Variants in CTNND2 observed in about 807,000 individuals in gnomAD.
CTNND2 encodes catenin delta 2.
Under a neutral mutation model 144.4 loss-of-function variants are expected in CTNND2, and 22 were observed. The observed-to-expected ratio is 0.15, with a 90% CI of 0.11 to 0.22. The LOEUF is 0.22. Among genes scored for constraint, CTNND2 ranks in the 10% least tolerant of loss-of-function variants. The pLI is 1.00. For synonymous variants in CTNND2, 751 were observed against 695.6 expected (o/e 1.08, Z -1.25); for missense variants, 1,353 against 1,618.8 (o/e 0.84, Z 2.82).
chr5:11,710,224 C>G (rs1785947078), intron 2 of CTNND2, among the ~76,000 whole-genome samples: 1 of 152,116 alleles, frequency 6.6e-6, no homozygotes, highest in Admixed American at 6.6e-5. Flanking sequence ...GTCTCCATCT[C>G]CTAAATCAGG....
intron 9 of CTNND2, among the ~76,000 whole-genome samples, chr5:11,295,804 C>T (rs1404858245): frequency 2.0e-5 from 3 of 152,106 alleles, no homozygotes. Context: ...AACTGGATCC[C>T]TTCCTTACAC....
intron 21 of CTNND2, among the ~76,000 whole-genome samples, 185 bp downstream of exon 21, chr5:10,981,586 AAC>A (rs112742699): frequency 2.4e-4 from 36 of 150,088 alleles, no homozygotes; most frequent in South Asian, 4.2e-4. Flanking sequence ...TGCCGAGTCC[AAC>A]ACACACACAC....
At chr5:11,380,019 C>G (rs10036384) in intron 7 of CTNND2, among the ~76,000 whole-genome samples, 1 of 152,170 alleles carries the variant, frequency 6.6e-6, no homozygotes, top group African/African-American at 2.4e-5. Context: ...CTGGCTACCG[C>G]TTCTTTCTAG....
intron 2 of CTNND2, among the ~76,000 whole-genome samples, chr5:11,682,141 T>G (rs1296224799): frequency 6.6e-6 from 1 of 152,212 alleles, no homozygotes; most frequent in Non-Finnish European, 1.5e-5. Flanking sequence ...TATCTCTGGT[T>G]TCTACAAAGA....
intron 2 of CTNND2, among the ~76,000 whole-genome samples, chr5:11,606,797 A>G (rs1470530258): frequency 1.3e-5 from 2 of 152,240 alleles, no homozygotes; most frequent in African/African-American, 4.8e-5. Flanking sequence ...TTGTTCATCA[A>G]CAATGTCTAA....
intron 3 of CTNND2, among the ~76,000 whole-genome samples, chr5:11,502,997 T>C (rs1034135874): frequency 2.0e-5 from 3 of 152,198 alleles, no homozygotes; most frequent in Non-Finnish European, 2.9e-5. Flanking sequence ...AGTCAGCATA[T>C]ACAAATTAAA....
intron 9 of CTNND2, among the ~76,000 whole-genome samples, chr5:11,268,694 T>C (rs139281283): frequency 2.7e-4 from 41 of 152,324 alleles, no homozygotes; most frequent in African/African-American, 9.4e-4. Flanking sequence ...TAAAAAATGA[T>C]GTAATGAAGA....
chr5:11,504,822 C>T (rs1770865483), intron 3 of CTNND2, among the ~76,000 whole-genome samples: 1 of 152,268 alleles, frequency 6.6e-6, no homozygotes, highest in South Asian at 2.1e-4. Context: ...ATCCTACTAC[C>T]GAGTGCAGCT....
chr5:11,592,789 C>A (rs1779319598), intron 2 of CTNND2, among the ~76,000 whole-genome samples: 1 of 150,816 alleles, frequency 6.6e-6, no homozygotes, highest in Non-Finnish European at 1.5e-5. Flanking sequence ...TCGAAATGCA[C>A]AGGGCTAAGA....
At chr5:11,119,448 A>G (rs1387110843) in intron 12 of CTNND2, among the ~76,000 whole-genome samples, 1 of 152,220 alleles carries the variant, frequency 6.6e-6, no homozygotes, top group African/African-American at 2.4e-5. Flanking sequence ...TTTTTATGTA[A>G]AATTTTATAA....
intron 2 of CTNND2, among the ~76,000 whole-genome samples, chr5:11,690,628 C>T (rs1447134223): frequency 6.6e-6 from 1 of 150,998 alleles, no homozygotes; most frequent in East Asian, 2.0e-4. Flanking sequence ...CCCAGCTACT[C>T]GAGAGGCTGA....
intron 2 of CTNND2, among the ~76,000 whole-genome samples, chr5:11,572,422 C>T (rs892798582): frequency 1.3e-5 from 2 of 152,156 alleles, no homozygotes; most frequent in African/African-American, 4.8e-5. Flanking sequence ...GTCAATAATA[C>T]AGAGAGAAGT....
chr5:11,004,580 A>T lies in CTNND2; in HGVS notation c.3085-11903T>A, dbSNP rs141215012. 3.9e-5 allele frequency among the ~76,000 whole-genome samples: 6 copies of T among 152,112 alleles called. No individual in the cohort carries two copies. In the East Asian group the frequency reaches 9.7e-4, roughly 24 times the overall value. ...GGAGTTTGAGATCAGCCTCAGCAAC[A>T]TGGAGAAACCCTGTCTCTACTAAAA... On this transcript the variant is annotated intron_variant, in intron 18 of 21. Coordinates refer to ENST00000304623, the MANE Select transcript of CTNND2 (RefSeq NM_001332.4).
At chr5:10,986,987 T>C (rs1445387443) in intron 20 of CTNND2, among the ~76,000 whole-genome samples, 1 of 152,202 alleles carries the variant, frequency 6.6e-6, no homozygotes, top group African/African-American at 2.4e-5. Flanking sequence ...CCTAAGAGGG[T>C]CTCAGTGTCT....
At chr5:11,574,135 T>C (rs983863883) in intron 2 of CTNND2, among the ~76,000 whole-genome samples, 4 of 152,122 alleles carry the variant, frequency 2.6e-5, no homozygotes, top group African/African-American at 9.7e-5. Flanking sequence ...GCCCAGCATG[T>C]GCATTCTGAA....
intron 1 of CTNND2, among the ~76,000 whole-genome samples, chr5:11,801,522 T>C (rs1791681090): frequency 6.6e-6 from 1 of 152,224 alleles, no homozygotes; most frequent in Non-Finnish European, 1.5e-5. Context: ...TATTATAGTT[T>C]CCATTTTTGC....
intron 2 of CTNND2, among the ~76,000 whole-genome samples, chr5:11,729,578 T>C (rs1307263282): frequency 6.6e-6 from 1 of 152,196 alleles, no homozygotes; most frequent in Non-Finnish European, 1.5e-5. Context: ...AGAAAGAATA[T>C]AACATTTTCA....
At chr5:11,069,685 CAGAGAGACAG>C (rs1748034829) in intron 16 of CTNND2, among the ~76,000 whole-genome samples, 1 of 142,164 alleles carries the variant, frequency 7.0e-6, no homozygotes, top group African/African-American at 2.5e-5. Context: ...GACAGAGAGA[CAGAGAGACAG>C]AGAGAGAGAG....
At chr5:10,980,338 C>T (rs2149484666) in intron 21 of CTNND2, among the ~76,000 whole-genome samples, 1 of 152,184 alleles carries the variant, frequency 6.6e-6, no homozygotes, top group East Asian at 1.9e-4. Flanking sequence ...CAAATCAAAA[C>T]CACAATGAGA....
Sources: allele counts gnomAD v4.1 joint callset (sites outside exome capture counted in the v4.1 genomes callset), GRCh38; gene constraint gnomAD v4.1.1; transcripts MANE v1.5; gene names NCBI Gene and HGNC (gene_info 2026-07-23, HGNC 2026-07-21).